SLC44A5: variants seen among roughly 807,000 people sequenced by gnomAD.
The protein encoded by SLC44A5 is choline transporter-like protein 5.
SLC44A5 carries 57 observed loss-of-function variants against 101.8 expected under a neutral mutation model. The ratio of observed to expected loss-of-function variants is 0.56; its 90% confidence interval spans 0.45 to 0.70. SLC44A5 has a LOEUF of 0.70. Ranked by LOEUF, SLC44A5 falls within the 30% of genes least tolerant of loss-of-function variation. The pLI is 0.00. For synonymous variants in SLC44A5, 281 were observed against 290.9 expected, an observed-to-expected ratio of 0.97 and a Z score of 0.35; for missense variants, 737 against 853.1, an observed-to-expected ratio of 0.86 and a Z score of 1.70.
intron 4 of SLC44A5, among the ~76,000 whole-genome samples, chr1:75,306,733 C>CTTTTTTTTTTT (rs771955227): frequency 0.02 from 2,061 of 102,466 alleles, 64 homozygotes; most frequent in East Asian, 0.061. Context: ...GGTTTCCTTT[C>CTTTTTTTTTTT]TTTTTTTTTT....
intron 2 of SLC44A5, among the ~76,000 whole-genome samples, chr1:75,459,259 T>C (rs1666361675): frequency 6.6e-6 from 1 of 152,154 alleles, no homozygotes; most frequent in Non-Finnish European, 1.5e-5. Context: ...TGACATCCCA[T>C]GGAAAGAAAA....
chr1:75,270,442 C>T (rs1240077382), intron 6 of SLC44A5, among the ~76,000 whole-genome samples: 1 of 151,854 alleles, frequency 6.6e-6, no homozygotes, highest in African/African-American at 2.4e-5. Context: ...GTATATTATT[C>T]AACAAACGAT....
At chr1:75,721,054 A>C in the SLC44A5 span, among the ~76,000 whole-genome samples, 1 of 152,194 alleles carries the variant, frequency 6.6e-6, no homozygotes, top group Non-Finnish European at 1.5e-5. Context: ...GCATTCTGTT[A>C]TCTCTCTCCT....
At chr1:75,277,514 G>A (rs984393271) in intron 5 of SLC44A5, among the ~76,000 whole-genome samples, 8 of 152,302 alleles carry the variant, frequency 5.3e-5, no homozygotes, top group South Asian at 2.1e-4. Context: ...CTAGAAAGGC[G>A]ATAATGCTTT....
intron 2 of SLC44A5, among the ~76,000 whole-genome samples, chr1:75,513,415 T>C (rs1183440896): frequency 7.2e-5 from 11 of 152,244 alleles, no homozygotes; most frequent in Non-Finnish European, 4.4e-5. Flanking sequence ...AAGTGCAGCT[T>C]TGTCCATAGC....
At chr1:75,323,031 G>A (rs61798673) in intron 4 of SLC44A5, among the ~76,000 whole-genome samples, 7,477 of 150,380 alleles carry the variant, frequency 0.05, 223 homozygotes, top group Middle Eastern at 0.11. Context: ...ATGCTGGTGC[G>A]CTGCACCCAC....
chr1:75,679,579 A>G, the SLC44A5 span, among the ~76,000 whole-genome samples: 1 of 151,864 alleles, frequency 6.6e-6, no homozygotes, highest in South Asian at 2.1e-4. Context: ...TTTTGTCACC[A>G]CCAGGCCTGC....
chr1:75,460,635 A>C (rs1056432591), intron 2 of SLC44A5, among the ~76,000 whole-genome samples: 2 of 152,198 alleles, frequency 1.3e-5, no homozygotes, highest in Admixed American at 6.5e-5. Flanking sequence ...TGACTACTTT[A>C]GATAAAATTA....
At chr1:75,664,687 C>T in the SLC44A5 span, among the ~76,000 whole-genome samples, 100 of 151,974 alleles carry the variant, frequency 6.6e-4, no homozygotes, top group Middle Eastern at 3.4e-3. Context: ...TTTGGGAGGC[C>T]GAGGCAAGTG....
intron 2 of SLC44A5, among the ~76,000 whole-genome samples, chr1:75,465,949 C>A (rs2101711526): frequency 6.6e-6 from 1 of 152,192 alleles, no homozygotes; most frequent in Non-Finnish European, 1.5e-5. Context: ...TACAAACATT[C>A]AAAGAAAAGC....
chr1:75,641,726 A>G, the SLC44A5 span: 1 of 1,569,488 alleles, frequency 6.4e-7, no homozygotes, highest in East Asian at 2.2e-5. Flanking sequence ...GTCATTGATT[A>G]CAAATGGATT....
chr1:75,296,755 C>A (rs979116354), intron 5 of SLC44A5, among the ~76,000 whole-genome samples: 5 of 152,132 alleles, frequency 3.3e-5, no homozygotes, highest in Non-Finnish European at 7.4e-5. Context: ...AAAACCAATG[C>A]CTGTATTGTA....
At chr1:75,716,062 G>A in the SLC44A5 span, among the ~76,000 whole-genome samples, 1 of 152,148 alleles carries the variant, frequency 6.6e-6, no homozygotes, top group Non-Finnish European at 1.5e-5. Context: ...ATGAAAAAAT[G>A]TTCATCATCA....
chr1:75,474,904 A>T (rs538752646), intron 2 of SLC44A5, among the ~76,000 whole-genome samples: 22 of 152,364 alleles, frequency 1.4e-4, no homozygotes, highest in African/African-American at 5.0e-4. Context: ...GTAATTCTGA[A>T]TTCTTCCAAA....
rs150103810 is a variant in SLC44A5 at position 75,317,895 on chromosome 1, C to T, written c.102-17210G>A. Among the ~76,000 whole-genome samples, 31 of 152,258 alleles carry T rather than the reference C, an allele frequency of 2.0e-4. No homozygotes were observed. The East Asian group carries it at 5.4e-3, about 27-fold the overall frequency. On this transcript the variant is annotated intron_variant, in intron 4 of 23. Transcript: ENST00000370859. ...CCTCCAAAGGCCCCACCTCCAAATA[C>T]GATCACCTTGGGGATTAAGGCTCCA...
intron 4 of SLC44A5, among the ~76,000 whole-genome samples, chr1:75,309,603 T>G (rs1330062908): frequency 1.3e-5 from 2 of 152,166 alleles, no homozygotes; most frequent in African/African-American, 4.8e-5. Context: ...AAGTATGCTA[T>G]TGGTAAACTT....
the SLC44A5 span, among the ~76,000 whole-genome samples, chr1:75,708,026 T>C: frequency 1.3e-5 from 2 of 152,148 alleles, no homozygotes; most frequent in African/African-American, 4.8e-5. Context: ...ACTAAATGTA[T>C]TATTGCTCTT....
chr1:75,242,552 TCAC>T (rs1304637328), intron 8 of SLC44A5, among the ~76,000 whole-genome samples: 1 of 152,090 alleles, frequency 6.6e-6, no homozygotes, highest in Non-Finnish European at 1.5e-5. Context: ...TGGGGCTTCA[TCAC>T]CACATTAACG....
intron 3 of SLC44A5, among the ~76,000 whole-genome samples, chr1:75,351,411 AAATC>A (rs2101071435): frequency 6.6e-6 from 1 of 152,264 alleles, no homozygotes; most frequent in South Asian, 2.1e-4. Flanking sequence ...TCAGGCACAA[AAATC>A]AATCTCAGAT....
Sources: gnomAD v4.1 joint callset for allele counts (sites outside exome capture counted in the v4.1 genomes callset) on GRCh38, gnomAD v4.1.1 for gene constraint, MANE v1.5 for transcripts, NCBI Gene and HGNC (gene_info 2026-07-23, HGNC 2026-07-21) for gene names.